The following PTPRT variants were observed in gnomAD, a reference collection of about 807,000 sequenced individuals.
PTPRT encodes receptor-type tyrosine-protein phosphatase T.
PTPRT carries 56 observed loss-of-function variants against 176.8 expected under a neutral mutation model. The observed-to-expected ratio is 0.32, with a 90% CI of 0.26 to 0.40. PTPRT has a LOEUF of 0.40. Ranked by LOEUF, PTPRT falls within the 10% of genes least tolerant of loss-of-function variation. The pLI, the probability that PTPRT is intolerant of heterozygous loss-of-function variation, is 1.00. For synonymous variants in PTPRT, 783 were observed against 739.0 expected, an observed-to-expected ratio of 1.06 and a Z score of -0.96; for missense variants, 1,540 against 1,908.2, an observed-to-expected ratio of 0.81 and a Z score of 3.60.
chr20:42,478,894 T>C (rs1161579695), intron 7 of PTPRT, among the ~76,000 whole-genome samples: 1 of 152,154 alleles, frequency 6.6e-6, no homozygotes, highest in Admixed American at 6.5e-5. Context: ...AATAAATGAA[T>C]GAATAAGTAC....
At chr20:42,862,047 C>T (rs1002034572) in intron 2 of PTPRT, among the ~76,000 whole-genome samples, 1 of 152,180 alleles carries the variant, frequency 6.6e-6, no homozygotes, top group Non-Finnish European at 1.5e-5. Context: ...CACGCACACA[C>T]ACACACACAA....
intron 6 of PTPRT, among the ~76,000 whole-genome samples, chr20:42,728,467 A>T (rs569046303): frequency 1.3e-3 from 204 of 152,292 alleles, no homozygotes; most frequent in Non-Finnish European, 1.2e-3. Context: ...TGGTGAGGCT[A>T]GATTTTGAAA....
intron 5 of PTPRT, among the ~76,000 whole-genome samples, chr20:42,767,623 TA>T (rs895847049): frequency 1.3e-5 from 2 of 149,776 alleles, no homozygotes; most frequent in Non-Finnish European, 3.0e-5. Flanking sequence ...AAACACTTAT[TA>T]AAAAAACTAT....
chr20:42,648,509 G>A (rs376743850), intron 7 of PTPRT, among the ~76,000 whole-genome samples: 1 of 152,146 alleles, frequency 6.6e-6, no homozygotes, highest in Non-Finnish European at 1.5e-5. Context: ...ATCATTAAGT[G>A]AGAAGCTGCC....
At chr20:42,565,941 G>A (rs1422165994) in intron 7 of PTPRT, among the ~76,000 whole-genome samples, 1 of 152,002 alleles carries the variant, frequency 6.6e-6, no homozygotes, top group Non-Finnish European at 1.5e-5. Flanking sequence ...TTATGGCAGA[G>A]ACGACTTGCT....
intron 14 of PTPRT, among the ~76,000 whole-genome samples, chr20:42,240,648 A>G (rs550682135): frequency 6.6e-6 from 1 of 152,104 alleles, no homozygotes; most frequent in Non-Finnish European, 1.5e-5. Flanking sequence ...CTGTTCAGCC[A>G]TCTATCCATC....
chr20:42,397,075 A>G (rs2058858138), intron 9 of PTPRT, among the ~76,000 whole-genome samples: 1 of 152,108 alleles, frequency 6.6e-6, no homozygotes, highest in East Asian at 1.9e-4. Context: ...ATATTCATTT[A>G]CTATCTGTCG....
At chr20:42,351,505 T>G (rs1240969276) in intron 10 of PTPRT, among the ~76,000 whole-genome samples, 8 of 152,214 alleles carry the variant, frequency 5.3e-5, no homozygotes, top group Non-Finnish European at 1.0e-4. Flanking sequence ...AAACATGTTT[T>G]TCTGGAAAAC....
chr20:42,040,347 T>G, the PTPRT span, among the ~76,000 whole-genome samples: 1 of 152,140 alleles, frequency 6.6e-6, no homozygotes, highest in Non-Finnish European at 1.5e-5. Context: ...TAGAGTCTTT[T>G]TCAGTCAGGG....
chr20:42,099,298 C>T (rs1019026995), intron 26 of PTPRT, among the ~76,000 whole-genome samples: 5 of 151,782 alleles, frequency 3.3e-5, no homozygotes, highest in Admixed American at 6.6e-5. Flanking sequence ...ACCTGGAAAA[C>T]GGAAATCATA....
At chr20:42,234,438 CA>C (rs1374561247) in intron 15 of PTPRT, among the ~76,000 whole-genome samples, 4 of 152,352 alleles carry the variant, frequency 2.6e-5, no homozygotes, top group African/African-American at 9.6e-5. Context: ...AGCAATGACA[CA>C]CCATATTGTT....
intron 1 of PTPRT, among the ~76,000 whole-genome samples, chr20:43,107,420 A>G (rs1568789227): frequency 1.3e-5 from 2 of 152,258 alleles, no homozygotes; most frequent in Non-Finnish European, 1.5e-5. Context: ...GTAAAGTGGC[A>G]ATACAACTTG....
downstream of PTPRT, among the ~76,000 whole-genome samples, chr20:42,071,406 T>C (rs566446201): frequency 7.6e-4 from 115 of 152,312 alleles, 1 homozygote; most frequent in South Asian, 2.5e-3. Flanking sequence ...TCTGTTCCCC[T>C]CTAATAACAA....
At chr20:43,099,327 G>A (rs1485202805) in intron 1 of PTPRT, among the ~76,000 whole-genome samples, 2 of 152,098 alleles carry the variant, frequency 1.3e-5, no homozygotes, top group African/African-American at 2.4e-5. Flanking sequence ...AGTCAGGAAT[G>A]GTGTCCCATT....
chr20:42,538,360 G>A (rs191742260), intron 7 of PTPRT, among the ~76,000 whole-genome samples: 26 of 152,252 alleles, frequency 1.7e-4, no homozygotes, highest in South Asian at 6.2e-4. Flanking sequence ...CCTTGTACAA[G>A]AATCAGGAGT....
intron 1 of PTPRT, among the ~76,000 whole-genome samples, chr20:42,954,582 A>G (rs1450655294): frequency 6.6e-6 from 1 of 152,062 alleles, no homozygotes; most frequent in African/African-American, 2.4e-5. Flanking sequence ...TGCTACATAG[A>G]AGATGCTCAG....
At chr20:42,555,142 A>C (rs6065510) in intron 7 of PTPRT, among the ~76,000 whole-genome samples, 1 of 152,062 alleles carries the variant, frequency 6.6e-6, no homozygotes, top group Non-Finnish European at 1.5e-5. Context: ...TTGCTGCTAC[A>C]CTCCTGGGGA....
At chr20:42,534,540 G>A (rs1418610698) in intron 7 of PTPRT, among the ~76,000 whole-genome samples, 1 of 152,152 alleles carries the variant, frequency 6.6e-6, no homozygotes, top group African/African-American at 2.4e-5. Context: ...GGAGGCTGAG[G>A]CAGGAGAATG....
the PTPRT span, among the ~76,000 whole-genome samples, chr20:42,035,106 T>C: frequency 0.02 from 3,069 of 152,248 alleles, 111 homozygotes; most frequent in African/African-American, 0.07. Flanking sequence ...AGGAAGCCCA[T>C]GTCCGTCTGG....
Sources: gnomAD v4.1 joint callset for allele counts (sites outside exome capture counted in the v4.1 genomes callset) on GRCh38, gnomAD v4.1.1 for gene constraint, MANE v1.5 for transcripts, NCBI Gene and HGNC (gene_info 2026-07-23, HGNC 2026-07-21) for gene names.